Variants in CLASP1 observed in about 807,000 individuals in gnomAD.
CLASP1 encodes CLIP-associating protein 1.
In CLASP1, 38 loss-of-function variants were observed where a neutral mutation model predicts 192.3. The ratio of observed to expected loss-of-function variants is 0.20; its 90% confidence interval spans 0.15 to 0.26. The LOEUF (loss-of-function observed/expected upper bound fraction) is 0.26, where lower values mean the gene tolerates loss of function less well. Ranked by LOEUF, CLASP1 falls within the 10% of genes least tolerant of loss-of-function variation. The pLI is 1.00. For synonymous variants in CLASP1, 691 were observed against 712.8 expected, an observed-to-expected ratio of 0.97 and a Z score of 0.49; for missense variants, 1,433 against 1,932.5, an observed-to-expected ratio of 0.74 and a Z score of 4.85.
chr2:121,623,464 A>G (rs1440134334), intron 1 of CLASP1, among the ~76,000 whole-genome samples: 1 of 152,224 alleles, frequency 6.6e-6, no homozygotes, highest in Middle Eastern at 3.2e-3. Flanking sequence ...TTACACCTAT[A>G]TCCATAAAGA....
intron 1 of CLASP1, 77 bp from the exon 2 acceptor site, chr2:121,606,257 G>A (rs1052148453): frequency 4.3e-5 from 16 of 369,388 alleles, no homozygotes; most frequent in African/African-American, 2.9e-4. Flanking sequence ...TTAAATCAAA[G>A]ACAAAGCAAT....
chr2:121,454,223 T>C (rs1165279833), intron 14 of CLASP1, among the ~76,000 whole-genome samples: 2 of 151,652 alleles, frequency 1.3e-5, no homozygotes, highest in African/African-American at 4.8e-5. Context: ...ATGGGACCTT[T>C]GGGAAGTGAC....
intron 6 of CLASP1, among the ~76,000 whole-genome samples, chr2:121,517,886 T>G (rs1456773068): frequency 1.4e-5 from 2 of 141,282 alleles, no homozygotes; most frequent in East Asian, 4.0e-4. Context: ...TTTTTTTTTT[T>G]TTTTTAGAAA....
chr2:121,380,289 G>A (rs998282515), intron 33 of CLASP1, among the ~76,000 whole-genome samples: 1 of 152,150 alleles, frequency 6.6e-6, no homozygotes, highest in Non-Finnish European at 1.5e-5. Context: ...AGAGACCTGG[G>A]GAAACCTCAA....
intron 1 of CLASP1, among the ~76,000 whole-genome samples, chr2:121,611,202 G>C (rs541495886): frequency 5.6e-4 from 79 of 140,662 alleles, no homozygotes; most frequent in Non-Finnish European, 1.0e-3. Context: ...TGGAGGAGGA[G>C]GAGGTGGAGG....
At chr2:121,573,266 A>G (rs950241223) in intron 2 of CLASP1, among the ~76,000 whole-genome samples, 5 of 152,126 alleles carry the variant, frequency 3.3e-5, no homozygotes, top group African/African-American at 1.2e-4. Flanking sequence ...AGCTGAAAAC[A>G]CAGTTTTCTA....
At chr2:121,408,387 G>A (rs2077215090) in intron 24 of CLASP1, among the ~76,000 whole-genome samples, 1 of 152,154 alleles carries the variant, frequency 6.6e-6, no homozygotes, top group Non-Finnish European at 1.5e-5. Flanking sequence ...AACACAAATA[G>A]GCTTCTTTGA....
At chr2:121,448,151 A>ACG (rs938640486) in intron 18 of CLASP1, 125 bp downstream of exon 18, 82 of 782,806 alleles carry the variant, frequency 1.0e-4, no homozygotes, top group Non-Finnish European at 1.8e-4. Context: ...AGAGCAGGCA[A>ACG]CATTCAAGCC....
chr2:121,409,780 G>A (rs2077433475), intron 24 of CLASP1, among the ~76,000 whole-genome samples: 1 of 152,218 alleles, frequency 6.6e-6, no homozygotes, highest in Non-Finnish European at 1.5e-5. Context: ...TCCAGCTCTT[G>A]ACTCCTAAAG....
At chr2:121,597,472 ATGTG>A (rs1313251517) in intron 2 of CLASP1, among the ~76,000 whole-genome samples, 2 of 152,068 alleles carry the variant, frequency 1.3e-5, no homozygotes, top group African/African-American at 4.8e-5. Flanking sequence ...GATAGTGTGT[ATGTG>A]TGTGTGTATG....
At chr2:121,567,958 C>T (rs796801875) in intron 2 of CLASP1, among the ~76,000 whole-genome samples, 3 of 152,228 alleles carry the variant, frequency 2.0e-5, no homozygotes, top group African/African-American at 7.2e-5. Flanking sequence ...GGTAAAGTTT[C>T]GGTGGACTGG....
chr2:121,645,484 A>C (rs2073014003), intron 1 of CLASP1, among the ~76,000 whole-genome samples: 1 of 152,224 alleles, frequency 6.6e-6, no homozygotes, highest in South Asian at 2.1e-4. Flanking sequence ...CTCAAATTAT[A>C]TTAGTCTACA....
In CLASP1 at chr2:121,448,942, G is replaced by T; in HGVS notation, c.1691+11C>A. 1.9e-6 allele frequency: 3 copies of T among 1,606,916 alleles called. No individual in the cohort carries two copies. Among genetic ancestry groups the T allele is most frequent in the East Asian group, 2.2e-5 (1 of 44,784 alleles). On this transcript the variant is annotated intron_variant, in intron 17 of 39. Coordinates refer to ENST00000263710, the Ensembl canonical transcript of CLASP1. ...TCTCACATGAATGATAAGCAAAGAT[G>T]AATCTCTTACTTTAGACTCTCTTGA...
chr2:121,378,325 T>C (rs752762146), intron 33 of CLASP1, among the ~76,000 whole-genome samples: 4 of 152,190 alleles, frequency 2.6e-5, no homozygotes, highest in Non-Finnish European at 2.9e-5. Flanking sequence ...TTATAAAAAG[T>C]CACATTCCTG....
intron 8 of CLASP1, among the ~76,000 whole-genome samples, chr2:121,486,901 T>A (rs1314149415): frequency 1.3e-5 from 2 of 152,194 alleles, no homozygotes; most frequent in African/African-American, 4.8e-5. Context: ...CATGTTCCAA[T>A]AATACTTAAT....
intron 8 of CLASP1, among the ~76,000 whole-genome samples, chr2:121,478,713 CACA>C (rs760538534): frequency 0.034 from 2,055 of 59,858 alleles, 59 homozygotes; most frequent in East Asian, 0.13. Flanking sequence ...ACCCCACACA[CACA>C]ACCACACACA....
rs370486612 is a variant in CLASP1, at chr2:121,363,136, G to A, written c.4206+36C>T. 782 of 1,612,180 alleles carry A rather than the reference G, an allele frequency of 4.9e-4. 10 individuals carry two copies. The South Asian group carries it at 7.9e-3, about 16-fold the overall frequency. ...ATGTCCAAACTGCTCCTCATGACCC[G>A]TCTGTTCAGCACCCCTGGCCACATG... On this transcript the variant is annotated intron_variant, in intron 37 of 39. Transcript: ENST00000263710.
At chr2:121,387,144 A>T in exon 32 of CLASP1, 1 of 1,613,770 alleles carries the variant, frequency 6.2e-7, no homozygotes, top group Non-Finnish European at 8.5e-7. Flanking sequence ...CCCCCATGGG[A>T]ACAGTTGGTG....
At chr2:121,356,340 G>A (rs2065382800) in intron 37 of CLASP1, among the ~76,000 whole-genome samples, 2 of 152,128 alleles carry the variant, frequency 1.3e-5, no homozygotes, top group Non-Finnish European at 2.9e-5. Flanking sequence ...GGGGAAAAAC[G>A]ACCAATGCCC....
Sources: gnomAD v4.1 joint callset for allele counts (sites outside exome capture counted in the v4.1 genomes callset) on GRCh38, gnomAD v4.1.1 for gene constraint, MANE v1.5 for transcripts, NCBI Gene and HGNC (gene_info 2026-07-23, HGNC 2026-07-21) for gene names.